Variants in PARD3 observed in about 807,000 individuals in gnomAD.
The protein encoded by PARD3 is par-3 family cell polarity regulator, also known as partitioning defective 3 homolog.
In PARD3, 75 loss-of-function variants were observed where a neutral mutation model predicts 155.4. The ratio of observed to expected loss-of-function variants is 0.48; its 90% CI spans 0.40 to 0.58. The LOEUF (loss-of-function observed/expected upper bound fraction) is 0.58. Ranked by LOEUF, PARD3 falls within the 20% of genes least tolerant of loss-of-function variation. PARD3 has a pLI of 0.00. For missense variants in PARD3, 1,642 were observed against 1,721.7 expected (o/e 0.95, Z 0.82); for synonymous variants, 576 against 610.5 (o/e 0.94, Z 0.83).
chr10:34,130,973 T>C (rs1765170), intron 23 of PARD3, among the ~76,000 whole-genome samples: 76,941 of 151,978 alleles, frequency 0.51, 20,626 homozygotes, highest in Non-Finnish European at 0.6. Context: ...GGTAGGAGGA[T>C]TGCCTAAGCC....
intron 24 of PARD3, among the ~76,000 whole-genome samples, chr10:34,119,019 C>T (rs1242086765): frequency 2.0e-5 from 3 of 152,170 alleles, no homozygotes; most frequent in Non-Finnish European, 4.4e-5. Flanking sequence ...GAGAACTGGG[C>T]CAAGGCGTCT....
At chr10:34,286,419 A>G (rs956257023) in intron 20 of PARD3, among the ~76,000 whole-genome samples, 1 of 152,240 alleles carries the variant, frequency 6.6e-6, no homozygotes, top group Non-Finnish European at 1.5e-5. Flanking sequence ...AAAGCAGAGT[A>G]AGGAGACCAG....
At chr10:34,305,894 G>A (rs1455369209) in intron 20 of PARD3, among the ~76,000 whole-genome samples, 1 of 152,196 alleles carries the variant, frequency 6.6e-6, no homozygotes, top group African/African-American at 2.4e-5. Flanking sequence ...ACTGAGGCAG[G>A]AGAATCACCC....
intron 22 of PARD3, chr10:34,201,958 T>C (rs1345229894): frequency 3.3e-5 from 5 of 152,198 alleles, no homozygotes; most frequent in African/African-American, 1.2e-4. Flanking sequence ...AAGTATCATT[T>C]TTTGTTTTCA....
chr10:34,249,781 C>T (rs568807648), intron 22 of PARD3, among the ~76,000 whole-genome samples: 2 of 152,130 alleles, frequency 1.3e-5, no homozygotes, highest in Non-Finnish European at 2.9e-5. Flanking sequence ...AATCTGAGGG[C>T]CCATCTCTCA....
chr10:34,617,402 C>T (rs1484743002), intron 2 of PARD3, among the ~76,000 whole-genome samples: 1 of 152,094 alleles, frequency 6.6e-6, no homozygotes, highest in Non-Finnish European at 1.5e-5. Context: ...GAATTAAGTT[C>T]TAGTGGTCTA....
chr10:34,243,553 T>C (rs1355966930), intron 22 of PARD3, among the ~76,000 whole-genome samples: 4 of 152,196 alleles, frequency 2.6e-5, no homozygotes, highest in African/African-American at 7.2e-5. Context: ...AAAATCATAA[T>C]ATGGCCAGGC....
intron 2 of PARD3, among the ~76,000 whole-genome samples, chr10:34,633,121 T>C (rs955815777): frequency 1.3e-5 from 2 of 152,200 alleles, no homozygotes; most frequent in African/African-American, 4.8e-5. Flanking sequence ...AATGAATAAA[T>C]CAAGTTAACT....
intron 1 of PARD3, among the ~76,000 whole-genome samples, chr10:34,705,274 G>T (rs190223345): frequency 6.6e-6 from 1 of 152,232 alleles, no homozygotes; most frequent in Non-Finnish European, 1.5e-5. Context: ...AGACCAGCCT[G>T]GCCAATGTAG....
intron 1 of PARD3, among the ~76,000 whole-genome samples, chr10:34,742,390 T>C (rs899641438): frequency 7.2e-5 from 11 of 152,208 alleles, no homozygotes; most frequent in South Asian, 4.1e-4. Context: ...GACTGATTAA[T>C]AGAGATTAAT....
intron 22 of PARD3, among the ~76,000 whole-genome samples, chr10:34,165,497 CA>C (rs1211539414): frequency 6.6e-6 from 1 of 152,144 alleles, no homozygotes; most frequent in Non-Finnish European, 1.5e-5. Flanking sequence ...CACTGGGAGA[CA>C]AATGTCCTCG....
At chr10:34,303,771 G>A (rs1201712157) in intron 20 of PARD3, among the ~76,000 whole-genome samples, 1 of 152,124 alleles carries the variant, frequency 6.6e-6, no homozygotes, top group African/African-American at 2.4e-5. Flanking sequence ...TACCCACCAA[G>A]GATCAGGCAA....
At position 34,734,729 on chromosome 10, in the gene PARD3, T is replaced by C. The variant is rs1277425686; in HGVS notation, c.121-38310A>G. ...TACCAAATACAAAATCAATCCCATA[T>C]GAATTCAAGATTAGATTCAAAATGC... On this transcript the variant is annotated intron_variant, in intron 1 of 24. Coordinates refer to ENST00000374788, the MANE Select transcript of PARD3 (RefSeq NM_001184785.2). 5.3e-5 allele frequency among the ~76,000 whole-genome samples: 8 copies of C among 152,210 alleles called. No individual in the cohort carries two copies. The East Asian group carries it at 1.3e-3, about 26-fold the overall frequency.
At chr10:34,574,245 T>G (rs1190063346) in intron 2 of PARD3, among the ~76,000 whole-genome samples, 2 of 152,222 alleles carry the variant, frequency 1.3e-5, no homozygotes, top group African/African-American at 4.8e-5. Flanking sequence ...ATCATTACTT[T>G]AAACAATCAA....
chr10:34,746,058 C>T (rs1478872907), intron 1 of PARD3, among the ~76,000 whole-genome samples: 1 of 152,034 alleles, frequency 6.6e-6, no homozygotes, highest in Non-Finnish European at 1.5e-5. Context: ...GCCTAGATCG[C>T]ACCGCTGCAC....
chr10:34,551,261 A>G (rs1057079408), intron 2 of PARD3, among the ~76,000 whole-genome samples: 2 of 152,160 alleles, frequency 1.3e-5, no homozygotes, highest in Non-Finnish European at 2.9e-5. Flanking sequence ...CCCTCCAGGA[A>G]GCAGGGTGGG....
chr10:34,157,760 T>A (rs1375568407), intron 22 of PARD3, among the ~76,000 whole-genome samples: 1 of 152,204 alleles, frequency 6.6e-6, no homozygotes, highest in African/African-American at 2.4e-5. Context: ...CACTTGTTTT[T>A]CATGGTTCTG....
intron 2 of PARD3, among the ~76,000 whole-genome samples, chr10:34,607,322 T>C (rs2090545927): frequency 6.6e-6 from 1 of 152,188 alleles, no homozygotes; most frequent in Non-Finnish European, 1.5e-5. Flanking sequence ...AAAAATGCAG[T>C]ATTTCACAGA....
At chr10:34,305,355 G>A (rs970359265) in intron 20 of PARD3, among the ~76,000 whole-genome samples, 5 of 152,208 alleles carry the variant, frequency 3.3e-5, no homozygotes, top group Admixed American at 6.5e-5. Context: ...TCCAGTGGGC[G>A]AGGCAGAGGT....
Sources: gnomAD v4.1 joint callset for allele counts (sites outside exome capture counted in the v4.1 genomes callset) on GRCh38, gnomAD v4.1.1 for gene constraint, MANE v1.5 for transcripts, NCBI Gene and HGNC (gene_info 2026-07-23, HGNC 2026-07-21) for gene names.